The following OSBPL6 variants were observed in gnomAD, a reference collection of about 807,000 sequenced individuals.
OSBPL6 encodes the protein oxysterol binding protein like 6, also known as oxysterol-binding protein-related protein 6.
OSBPL6 carries 49 observed loss-of-function variants against 125.8 expected under a neutral mutation model. The observed-to-expected ratio is 0.39, with a 90% CI of 0.31 to 0.49. OSBPL6 has a LOEUF of 0.49. Ranked by LOEUF, OSBPL6 falls within the 20% of genes least tolerant of loss-of-function variation. The pLI, the probability that OSBPL6 is intolerant of heterozygous loss-of-function variation, is 0.88. For missense variants in OSBPL6, 986 were observed against 1,135.4 expected (o/e 0.87, Z 1.89); for synonymous variants, 394 against 391.8 (o/e 1.01, Z -0.07).
At chr2:178,200,854 G>T (rs760409575) in intron 1 of OSBPL6, among the ~76,000 whole-genome samples, 2 of 151,828 alleles carry the variant, frequency 1.3e-5, no homozygotes, top group Non-Finnish European at 2.9e-5. Context: ...GGAGTGCAGT[G>T]GCGCGATCTC....
intron 1 of OSBPL6, among the ~76,000 whole-genome samples, chr2:178,277,966 T>C (rs2154028655): frequency 6.6e-6 from 1 of 152,342 alleles, no homozygotes; most frequent in Admixed American, 6.5e-5. Flanking sequence ...CTCACCAGCA[T>C]TTGAGACCTT....
intron 1 of OSBPL6, among the ~76,000 whole-genome samples, chr2:178,260,574 A>G (rs2092026628): frequency 6.6e-6 from 1 of 152,102 alleles, no homozygotes; most frequent in Non-Finnish European, 1.5e-5. Context: ...CAGATACAAT[A>G]TGGGCACAAG....
rs116126023 is a variant in OSBPL6 at position 178,341,015 on chromosome 2, C to T, written c.987+1251C>T. 5.8e-3 allele frequency among the ~76,000 whole-genome samples: 885 copies of T among 151,986 alleles called. 9 individuals carry two copies. Among genetic ancestry groups the T allele is most frequent in the African/African-American group, 0.02 (840 of 41,450 alleles). On this transcript the variant is annotated intron_variant, in intron 11 of 24. Coordinates refer to ENST00000190611, the MANE Select transcript of OSBPL6 (RefSeq NM_032523.4). Reference sequence around the variant, plus strand: ...ATTAATATTGTAGGGACAGATGTGCCGAGTGATTTCACAAGAAAATTACTT... The same window carrying T: ...ATTAATATTGTAGGGACAGATGTGCTGAGTGATTTCACAAGAAAATTACTT...
intron 1 of OSBPL6, among the ~76,000 whole-genome samples, chr2:178,248,247 A>T (rs2091563075): frequency 6.6e-6 from 1 of 152,224 alleles, no homozygotes; most frequent in Non-Finnish European, 1.5e-5. Context: ...TAGCGGAGGG[A>T]CAATGTAAGT....
intron 1 of OSBPL6, among the ~76,000 whole-genome samples, chr2:178,258,883 G>A (rs1559171581): frequency 6.6e-6 from 1 of 151,466 alleles, no homozygotes; most frequent in Non-Finnish European, 1.5e-5. Context: ...GTAAACGTCT[G>A]GTTTTTTTTA....
intron 11 of OSBPL6, chr2:178,344,300 G>A (rs765688279): frequency 5.3e-5 from 85 of 1,613,922 alleles, no homozygotes; most frequent in African/African-American, 8.0e-5. Context: ...GGCCACCCGC[G>A]AAGGGCCAGT....
At chr2:178,255,005 G>A (rs907324574) in intron 1 of OSBPL6, among the ~76,000 whole-genome samples, 6 of 152,152 alleles carry the variant, frequency 3.9e-5, no homozygotes, top group African/African-American at 1.2e-4. Context: ...AGGGTGGCAG[G>A]CAAGAGAGGA....
At chr2:178,233,558 A>T (rs1321582398) in intron 1 of OSBPL6, among the ~76,000 whole-genome samples, 1 of 152,162 alleles carries the variant, frequency 6.6e-6, no homozygotes, top group Non-Finnish European at 1.5e-5. Context: ...TAAAAATCTC[A>T]TCAGACGTCA....
In OSBPL6 at chr2:178,383,102, G is replaced by A; in HGVS notation, c.1700G>A (p.Ser567Asn). 1 of 1,614,202 alleles carries A rather than the reference G, an allele frequency of 6.2e-7. No homozygotes were observed. The highest frequency in any genetic ancestry group is 8.5e-7 in the Non-Finnish European group (1 of 1,180,042). ...CTGCCAGCTCCTTGTCCTGACACCA[G>A]TAACATTAACCTGTGGAATATCTTG... ...ACLPAPCPDT[S>N]NINLWNILRN... is the part of the protein sequence containing the mutation. The change falls in exon 17 of 25, where the codon AGT becomes AAT. Residue 567 changes from serine to asparagine, a missense_variant. This residue lies in a region of OSBPL6 where 843 missense variants were observed against 997.3 expected (regional missense o/e 0.85). Transcript: ENST00000190611.
At chr2:178,226,763 T>C (rs1559136335) in intron 1 of OSBPL6, among the ~76,000 whole-genome samples, 1 of 152,340 alleles carries the variant, frequency 6.6e-6, no homozygotes, top group Non-Finnish European at 1.5e-5. Context: ...TTAAGACTTT[T>C]AGACTTGGAT....
chr2:178,271,536 A>G (rs1446445347), intron 1 of OSBPL6, among the ~76,000 whole-genome samples: 3 of 152,196 alleles, frequency 2.0e-5, no homozygotes, highest in Admixed American at 6.5e-5. Flanking sequence ...CAGTAAAGCT[A>G]TATATGAAAA....
At chr2:178,322,497 G>T in intron 3 of OSBPL6, among the ~76,000 whole-genome samples, 1 of 152,216 alleles carries the variant, frequency 6.6e-6, no homozygotes. Context: ...TAGTTCTCTT[G>T]TCTGTTTTGT....
At chr2:178,205,017 C>T (rs1223630230) in intron 1 of OSBPL6, among the ~76,000 whole-genome samples, 4 of 152,164 alleles carry the variant, frequency 2.6e-5, no homozygotes, top group Non-Finnish European at 4.4e-5. Flanking sequence ...CCTTCCCCCA[C>T]CGTGAGCCCC....
chr2:178,195,753 A>T (rs2088847621), intron 1 of OSBPL6, among the ~76,000 whole-genome samples: 1 of 152,144 alleles, frequency 6.6e-6, no homozygotes, highest in African/African-American at 2.4e-5. Flanking sequence ...AGGAACTTTC[A>T]TTTTTAAATT....
chr2:178,235,721 A>AT (rs1015310703), intron 1 of OSBPL6, among the ~76,000 whole-genome samples: 1 of 152,054 alleles, frequency 6.6e-6, no homozygotes, highest in African/African-American at 2.4e-5. Context: ...TACAATTTCT[A>AT]TTTGGAAAAA....
intron 1 of OSBPL6, among the ~76,000 whole-genome samples, chr2:178,228,275 C>T (rs887031594): frequency 4.6e-5 from 7 of 152,224 alleles, no homozygotes; most frequent in Non-Finnish European, 8.8e-5. Context: ...GTGGCTCATG[C>T]CTGTAATCCC....
At chr2:178,332,114 G>A (rs1305115426) in intron 6 of OSBPL6, among the ~76,000 whole-genome samples, 1 of 152,174 alleles carries the variant, frequency 6.6e-6, no homozygotes, top group Non-Finnish European at 1.5e-5. Flanking sequence ...GTGGTGTAGG[G>A]GAAGTAACTG....
At position 178,382,580 on chromosome 2, in the gene OSBPL6, C is replaced by A. The variant is rs772791938; in HGVS notation, c.1621+73C>A. ...GCAACACGAAGACTTAATGAACAGG[C>A]ATTCCCCCTCCCACGCCACCCCCAC... On this transcript the variant is annotated intron_variant, in intron 16 of 24. Transcript: ENST00000190611. 5.6e-6 allele frequency: 9 copies of A among 1,595,526 alleles called. No homozygotes were observed. The African/African-American group carries it at 1.2e-4, about 21-fold the overall frequency.
Position 178,387,158 on chromosome 2 carries a change from C to G in OSBPL6, c.2156+19C>G, listed in dbSNP as rs1389555997. 1.3e-6 allele frequency: 2 copies of G among 1,566,098 alleles called. No individual in the cohort carries two copies. Among genetic ancestry groups the G allele is most frequent in the Admixed American group, 1.7e-5 (1 of 59,204 alleles). ...TTCCAAAGTAGGTGACTCACACCTCCCTTTTGGCCTCTTGTCTGCTTTTCT... is the reference window on the plus strand; with the variant it reads ...TTCCAAAGTAGGTGACTCACACCTCGCTTTTGGCCTCTTGTCTGCTTTTCT... On this transcript the variant is annotated intron_variant, in intron 20 of 24. Coordinates refer to ENST00000190611, the MANE Select transcript of OSBPL6 (RefSeq NM_032523.4).
Sources: gnomAD v4.1 joint callset for allele counts (sites outside exome capture counted in the v4.1 genomes callset) on GRCh38, gnomAD v4.1.1 for gene constraint, gnomAD v4.1.1 regional missense constraint, MANE v1.5 for transcripts, NCBI Gene and HGNC (gene_info 2026-07-23, HGNC 2026-07-21) for gene names.